SND1: variants seen among roughly 807,000 people sequenced by gnomAD.
SND1 encodes the protein staphylococcal nuclease domain-containing protein 1.
Under a neutral mutation model 121.7 loss-of-function variants are expected in SND1, and 38 were observed. The ratio of observed to expected loss-of-function variants is 0.31; its 90% confidence interval spans 0.24 to 0.41. The LOEUF is 0.41. Ranked by LOEUF, SND1 falls within the 10% of genes least tolerant of loss-of-function variation. The pLI, the probability that SND1 is intolerant of heterozygous loss-of-function variation, is 1.00. For synonymous variants in SND1, 401 were observed against 447.4 expected, an observed-to-expected ratio of 0.90 and a Z score of 1.31; for missense variants, 868 against 1,184.6, an observed-to-expected ratio of 0.73 and a Z score of 3.92.
At chr7:127,778,368 T>C (rs1797659526) in intron 10 of SND1, among the ~76,000 whole-genome samples, 2 of 152,170 alleles carry the variant, frequency 1.3e-5, no homozygotes, top group Admixed American at 6.5e-5. Context: ...CAGCTAACTT[T>C]TCATATTTTT....
At chr7:128,010,787 G>A (rs1403324392) in intron 16 of SND1, among the ~76,000 whole-genome samples, 1 of 152,164 alleles carries the variant, frequency 6.6e-6, no homozygotes, top group Admixed American at 6.5e-5. Flanking sequence ...CTCCATGCTG[G>A]CTCAAGGGCT....
intron 14 of SND1, among the ~76,000 whole-genome samples, chr7:127,912,372 G>A (rs1322248385): frequency 1.3e-5 from 2 of 152,030 alleles, no homozygotes; most frequent in Non-Finnish European, 2.9e-5. Context: ...TTTTTGGAGG[G>A]CACCCAATTT....
chr7:127,931,985 G>T lies in SND1; in HGVS notation c.1669+2656G>T, dbSNP rs141329787. Among the ~76,000 whole-genome samples, 281 of 152,302 alleles carry T rather than the reference G, an allele frequency of 1.8e-3. 2 individuals carry two copies. The highest frequency in any genetic ancestry group is 6.4e-3 in the African/African-American group (264 of 41,574). On this transcript the variant is annotated intron_variant, in intron 15 of 23. Coordinates refer to ENST00000354725, the MANE Select transcript of SND1 (RefSeq NM_014390.4). ...CAAGAGCTCTGAAAGAGTTGTACAA[G>T]AAGATTGTACATGCCTGCTAACATA...
intron 3 of SND1, among the ~76,000 whole-genome samples, chr7:127,695,831 C>CA (rs1795997842): frequency 1.3e-5 from 2 of 151,930 alleles, no homozygotes; most frequent in Non-Finnish European, 2.9e-5. Flanking sequence ...GGTCAAAAAA[C>CA]AAAAAAATAG....
chr7:128,031,297 C>A (rs1294124554), intron 16 of SND1, among the ~76,000 whole-genome samples: 1 of 150,748 alleles, frequency 6.6e-6, no homozygotes, highest in African/African-American at 2.4e-5. Context: ...AAAGTGCGCT[C>A]CGGCGGCCCC....
At chr7:127,970,139 TG>T (rs1404281025) in intron 15 of SND1, among the ~76,000 whole-genome samples, 1 of 152,248 alleles carries the variant, frequency 6.6e-6, no homozygotes, top group African/African-American at 2.4e-5. Context: ...CTATTTCCTA[TG>T]TTTTTTTAAA....
intron 1 of SND1, among the ~76,000 whole-genome samples, chr7:127,661,570 A>G (rs1200089938): frequency 6.6e-6 from 1 of 152,152 alleles, no homozygotes; most frequent in Non-Finnish European, 1.5e-5. Context: ...CTTAGTCTTT[A>G]TATTCCACTA....
chr7:127,996,750 G>A (rs1484825088), intron 16 of SND1, among the ~76,000 whole-genome samples: 1 of 152,158 alleles, frequency 6.6e-6, no homozygotes, highest in Non-Finnish European at 1.5e-5. Context: ...TTTTCACAAA[G>A]CCCCCTTATT....
At chr7:127,759,472 T>C (rs151234507) in intron 10 of SND1, among the ~76,000 whole-genome samples, 141 of 152,284 alleles carry the variant, frequency 9.3e-4, no homozygotes, top group African/African-American at 3.2e-3. Context: ...CTTTGATCCA[T>C]TTCTTGCTTT....
intron 10 of SND1, among the ~76,000 whole-genome samples, chr7:127,760,328 G>C (rs112202714): frequency 1.3e-5 from 2 of 152,294 alleles, no homozygotes; most frequent in East Asian, 1.9e-4. Flanking sequence ...ATAGTGGGAG[G>C]ATAACTGTAT....
rs185369479 is a variant in SND1, at chr7:127,826,614, G to A, written c.1243-17710G>A. On this transcript the variant is annotated intron_variant, in intron 11 of 23. Transcript: ENST00000354725. ...CTCATTGAAAAAGTCAACGTTTTTT[G>A]TTTCCTGGGGTTTTACTTCTCTCAT... 5.9e-4 allele frequency among the ~76,000 whole-genome samples: 90 copies of A among 152,076 alleles called. 1 individual carries two copies. The highest frequency in any genetic ancestry group is 2.0e-3 in the Admixed American group (30 of 15,288).
At chr7:127,892,460 G>A (rs979933550) in intron 13 of SND1, among the ~76,000 whole-genome samples, 4 of 152,078 alleles carry the variant, frequency 2.6e-5, no homozygotes, top group Non-Finnish European at 4.4e-5. Context: ...ACCCTTCAGC[G>A]CTCCTTTACT....
intron 16 of SND1, chr7:128,028,730 A>T: frequency 6.2e-7 from 1 of 1,614,040 alleles, no homozygotes; most frequent in Non-Finnish European, 8.5e-7. Context: ...GAATTATATA[A>T]GGTTCAGAGA....
chr7:128,003,669 A>T, intron 16 of SND1, among the ~76,000 whole-genome samples: 1 of 152,352 alleles, frequency 6.6e-6, no homozygotes, highest in East Asian at 1.9e-4. Context: ...TGCTGCAGCC[A>T]TATATGAGGA....
intron 11 of SND1, among the ~76,000 whole-genome samples, chr7:127,821,087 G>C (rs1006449114): frequency 6.6e-6 from 1 of 152,204 alleles, no homozygotes; most frequent in African/African-American, 2.4e-5. Flanking sequence ...ATGATATTGT[G>C]TAGTACATTT....
intron 16 of SND1, among the ~76,000 whole-genome samples, chr7:128,061,718 C>T (rs1387531840): frequency 6.6e-6 from 1 of 152,270 alleles, no homozygotes; most frequent in African/African-American, 2.4e-5. Flanking sequence ...GGTCATTAAC[C>T]AGGCTGATCC....
At chr7:127,669,587 C>T (rs1446757694) in intron 1 of SND1, among the ~76,000 whole-genome samples, 2 of 152,144 alleles carry the variant, frequency 1.3e-5, no homozygotes, top group Non-Finnish European at 2.9e-5. Context: ...ATATTGTCCA[C>T]GAGTCTTATA....
chr7:128,044,758 AGGT>A (rs981614395), intron 16 of SND1, among the ~76,000 whole-genome samples: 40 of 151,834 alleles, frequency 2.6e-4, no homozygotes, highest in African/African-American at 9.4e-4. Context: ...TCATCCCTGG[AGGT>A]GTAACAGCCT....
chr7:127,903,193 T>A (rs985750365), intron 13 of SND1, among the ~76,000 whole-genome samples: 5 of 152,114 alleles, frequency 3.3e-5, no homozygotes, highest in Non-Finnish European at 7.4e-5. Flanking sequence ...GATTTTTTTT[T>A]ATTTTATTTT....
Sources: gnomAD v4.1 joint callset for allele counts (sites outside exome capture counted in the v4.1 genomes callset) on GRCh38, gnomAD v4.1.1 for gene constraint, MANE v1.5 for transcripts, NCBI Gene and HGNC (gene_info 2026-07-23, HGNC 2026-07-21) for gene names.